KATNAL2: variants seen among roughly 807,000 people sequenced by gnomAD.
KATNAL2 encodes katanin p60 ATPase-containing subunit A-like 2.
Under a neutral mutation model 76.3 loss-of-function variants are expected in KATNAL2, and 52 were observed. The observed-to-expected ratio is 0.68, with a 90% CI of 0.55 to 0.86. The LOEUF (loss-of-function observed/expected upper bound fraction) is 0.86, where lower values mean the gene tolerates loss of function less well. Among genes scored for constraint, KATNAL2 ranks in the 40% least tolerant of loss-of-function variants. The pLI is 0.00. For missense variants in KATNAL2, 660 were observed against 668.9 expected (o/e 0.99, Z 0.15); for synonymous variants, 243 against 244.2 (o/e 1.00, Z 0.05).
chr18:47,066,811 G>T (rs2061807688), intron 10 of KATNAL2, among the ~76,000 whole-genome samples: 3 of 117,728 alleles, frequency 2.5e-5, no homozygotes, highest in South Asian at 2.8e-4. Flanking sequence ...GCATACCTTT[G>T]GTGAACTAAC....
At chr18:46,960,603 GGAAAAACATATGAA>G (rs1433112597) in intron 3 of KATNAL2, among the ~76,000 whole-genome samples, 7 of 152,118 alleles carry the variant, frequency 4.6e-5, no homozygotes, top group African/African-American at 1.7e-4. Flanking sequence ...CATACATAGA[GGAAAAACATATGAA>G]GCTGCTCTCA....
chr18:47,034,250 G>T lies in KATNAL2; in HGVS notation c.52-12207G>T, dbSNP rs750011587. 72 of 1,613,896 alleles carry T rather than the reference G, an allele frequency of 4.5e-5. 2 individuals carry two copies. The South Asian group carries it at 7.7e-4, about 17-fold the overall frequency. ...TGAGTCTCTCGGTCGTTGGAAAGCT[G>T]CTCTTTCTCCTCGGGCGACAGGCCG... On this transcript the variant is annotated intron_variant, in intron 3 of 17. Coordinates refer to ENST00000683218, the MANE Select transcript of KATNAL2 (RefSeq NM_001387690.1).
rs2061159248 is a variant in KATNAL2, at chr18:47,046,438, A to T, written c.52-19A>T. The T allele has an allele frequency of 1.3e-6, 2 of 1,526,334 alleles. No homozygotes were observed. Among genetic ancestry groups the T allele is most frequent in the African/African-American group, 2.7e-5 (2 of 72,816 alleles). 94.5% of individuals were successfully genotyped at this position (1,526,334 alleles called of 1,614,324 possible). A position where few individuals can be genotyped will look rare whatever the true frequency, so the allele number is the denominator to read the frequency against. ...GTTATTTTTTGTTGTCATCCTACCTAAATTTTCCTCTGTTCCAGTGCGAGA... is the reference window on the plus strand; with the variant it reads ...GTTATTTTTTGTTGTCATCCTACCTTAATTTTCCTCTGTTCCAGTGCGAGA... On this transcript the variant is annotated intron_variant, in intron 3 of 17. Coordinates refer to ENST00000683218, the MANE Select transcript of KATNAL2 (RefSeq NM_001387690.1).
intron 10 of KATNAL2, 127 bp downstream of exon 10, chr18:47,063,488 A>C: frequency 3.1e-6 from 2 of 647,634 alleles, no homozygotes; most frequent in East Asian, 5.6e-5. Context: ...CCACTTGCGC[A>C]GGCACTCATA....
At chr18:46,922,193 C>T (rs1033339018) in intron 1 of KATNAL2, among the ~76,000 whole-genome samples, 1 of 151,584 alleles carries the variant, frequency 6.6e-6, no homozygotes, top group African/African-American at 2.4e-5. Flanking sequence ...CTTCACCTCC[C>T]AGCTCAAGCA....
intron 6 of KATNAL2, 67 bp downstream of exon 6, chr18:47,054,505 G>A: frequency 6.8e-7 from 1 of 1,466,538 alleles, no homozygotes; most frequent in Non-Finnish European, 9.6e-7. Context: ...CTTTCCAGAA[G>A]CTTTACCATC....
At chr18:47,081,609 A>G (rs1225391768) in intron 15 of KATNAL2, among the ~76,000 whole-genome samples, 1 of 152,202 alleles carries the variant, frequency 6.6e-6, no homozygotes, top group Non-Finnish European at 1.5e-5. Flanking sequence ...GTCTTCCCTC[A>G]TGCTGCTGTG....
chr18:47,041,416 T>G (rs974894110), intron 3 of KATNAL2, among the ~76,000 whole-genome samples: 2 of 152,226 alleles, frequency 1.3e-5, no homozygotes, highest in African/African-American at 4.8e-5. Context: ...TCTATAGTTT[T>G]GCCTTTTCCA....
Position 47,101,079 on chromosome 18 carries a change from CA to C in KATNAL2, c.*78del. On this transcript the variant is annotated 3_prime_UTR_variant, in exon 18 of 18. Transcript: ENST00000683218. Reference sequence around the variant, plus strand: ...TAGTTTATTAATGTCCGTGGGAGAACAAAATGATTGGAATGGAAAAGAGAAA... The same window carrying C: ...TAGTTTATTAATGTCCGTGGGAGAACAAATGATTGGAATGGAAAAGAGAAA... 6.6e-7 allele frequency: 1 copy of C among 1,521,508 alleles called. No homozygotes were observed. Among genetic ancestry groups the C allele is most frequent in the Non-Finnish European group, 9.0e-7 (1 of 1,105,566 alleles). The allele number at this position is 1,521,508 out of a possible 1,614,324, so 94.3% of individuals were successfully genotyped here. A position where few individuals can be genotyped will look rare whatever the true frequency, so the allele number is the denominator to read the frequency against.
chr18:47,101,375 CCT>C lies in KATNAL2; in HGVS notation c.*371_*372del, dbSNP rs887929482. 1 of 210,392 alleles carries C rather than the reference CCT, an allele frequency of 4.8e-6. No individual in the cohort carries two copies. The highest frequency in any genetic ancestry group is 2.3e-5 in the African/African-American group (1 of 43,652). 13.0% of individuals were successfully genotyped at this position (210,392 alleles called of 1,614,324 possible). ...TTGTGTTGGCCACACACAGGATGAC[CCT>C]GAGTTGGGGCAGCCAAGTAGAAGCT... On this transcript the variant is annotated 3_prime_UTR_variant, in exon 18 of 18. Coordinates refer to ENST00000683218, the MANE Select transcript of KATNAL2 (RefSeq NM_001387690.1).
In KATNAL2 at chr18:47,051,731, C is replaced by T. The variant is rs78308938; in HGVS notation, c.123-1149C>T. On this transcript the variant is annotated intron_variant, in intron 4 of 17. Transcript: ENST00000683218. ...AAAATTAGCTTAGGAGAGATACATACATTTCAAGGTCATTGAAAATAATCA... is the reference window on the plus strand; with the variant it reads ...AAAATTAGCTTAGGAGAGATACATATATTTCAAGGTCATTGAAAATAATCA... Among the ~76,000 whole-genome samples the T allele has an allele frequency of 5.8e-4, 89 of 152,260 alleles. No individual in the cohort carries two copies. The East Asian group carries it at 0.015, about 25-fold the overall frequency.
chr18:46,961,220 G>C lies in KATNAL2; in HGVS notation c.51+14297G>C, dbSNP rs377567695. Among the ~76,000 whole-genome samples the C allele has an allele frequency of 1.2e-4, 14 of 120,684 alleles. No individual in the cohort carries two copies. The East Asian group carries it at 2.5e-3, about 22-fold the overall frequency. The allele number at this position is 120,684 out of a possible 152,430, so 79.2% of individuals were successfully genotyped here. ...CCATCTGGCTATTTATCTTACTTTT[G>C]TTTCCTTTTAACTTTTCGCTTTCTC... On this transcript the variant is annotated intron_variant, in intron 3 of 17. Coordinates refer to ENST00000683218, the MANE Select transcript of KATNAL2 (RefSeq NM_001387690.1).
chr18:47,060,893 C>T lies in KATNAL2; in HGVS notation c.549+1239C>T, dbSNP rs534181562. ...ACTGCTTCTATTGTGTTTTCAGTCACCTTTGCCTAGCTTTTTTGTGGCATA... is the reference window on the plus strand; with the variant it reads ...ACTGCTTCTATTGTGTTTTCAGTCATCTTTGCCTAGCTTTTTTGTGGCATA... On this transcript the variant is annotated intron_variant, in intron 8 of 17. Transcript: ENST00000683218. 3.9e-5 allele frequency among the ~76,000 whole-genome samples: 6 copies of T among 152,322 alleles called. No homozygotes were observed. In the South Asian group the frequency reaches 1.2e-3, roughly 32 times the overall value.
At chr18:47,067,846 C>T (rs2061861210) in intron 11 of KATNAL2, among the ~76,000 whole-genome samples, 1 of 152,146 alleles carries the variant, frequency 6.6e-6, no homozygotes, top group Non-Finnish European at 1.5e-5. Context: ...CATCTCTTTT[C>T]CACGTGGTAT....
At chr18:46,954,326 CTTTTTT>C (rs57075892) in intron 3 of KATNAL2, among the ~76,000 whole-genome samples, 14 of 121,138 alleles carry the variant, frequency 1.2e-4, no homozygotes, top group Non-Finnish European at 2.1e-4. Flanking sequence ...TCTTCTTCGT[CTTTTTT>C]TTTTTTTTTT....
At chr18:46,960,154 C>T (rs72919265) in intron 3 of KATNAL2, among the ~76,000 whole-genome samples, 1,700 of 152,220 alleles carry the variant, frequency 0.011, 18 homozygotes, top group Non-Finnish European at 0.017. Flanking sequence ...CCCAAAAAAG[C>T]GGCTGGGCAC....
intron 3 of KATNAL2, chr18:47,033,800 G>A (rs781451690): frequency 3.1e-6 from 5 of 1,614,198 alleles, no homozygotes; most frequent in Non-Finnish European, 4.2e-6. Flanking sequence ...AGTGCTTCTG[G>A]CTTTGCCTGG....
rs1032685653 is a variant in KATNAL2 at position 47,101,503 on chromosome 18, T to C, written c.*498T>C. On this transcript the variant is annotated 3_prime_UTR_variant, in exon 18 of 18. Coordinates refer to ENST00000683218, the MANE Select transcript of KATNAL2 (RefSeq NM_001387690.1). Reference sequence around the variant, plus strand: ...TTCTCATTCCGGACAATATTCTGAATCTCATCAGCTCCCCCTAATTCTGAC... The same window carrying C: ...TTCTCATTCCGGACAATATTCTGAACCTCATCAGCTCCCCCTAATTCTGAC... 1.3e-5 allele frequency: 2 copies of C among 158,956 alleles called. No homozygotes were observed. Among genetic ancestry groups the C allele is most frequent in the African/African-American group, 4.8e-5 (2 of 41,526 alleles). The allele number at this position is 158,956 out of a possible 1,614,324, so 9.8% of individuals were successfully genotyped here. A position where few individuals can be genotyped will look rare whatever the true frequency, so the allele number is the denominator to read the frequency against.
At chr18:46,946,617 C>T (rs563124336) in intron 2 of KATNAL2, 71 bp downstream of exon 2, 51 of 954,410 alleles carry the variant, frequency 5.3e-5, no homozygotes, top group Non-Finnish European at 6.1e-5. Flanking sequence ...AAAGCCCGCC[C>T]TGTGCTCTAA....
Sources: allele counts gnomAD v4.1 joint callset (sites outside exome capture counted in the v4.1 genomes callset), GRCh38; gene constraint gnomAD v4.1.1; transcripts MANE v1.5; gene names NCBI Gene and HGNC (gene_info 2026-07-23, HGNC 2026-07-21).